The following ZNF114 variants were observed in gnomAD, a reference collection of about 807,000 sequenced individuals.
ZNF114 encodes zinc finger protein 114.
A neutral mutation model predicts 6.8 loss-of-function variants in ZNF114; 8 were observed. That is an observed-to-expected ratio of 1.18 (90% CI 0.69 to 2.13). The LOEUF (loss-of-function observed/expected upper bound fraction) is 2.13. ZNF114 is among the 30% of genes most tolerant of loss of function. The pLI is 0.00. For missense variants in ZNF114, 472 were observed against 519.5 expected, an observed-to-expected ratio of 0.91 and a Z score of 0.89; for synonymous variants, 169 against 185.5, an observed-to-expected ratio of 0.91 and a Z score of 0.72.
At chr19:48,281,474 TC>T (rs1030814288) in intron 4 of ZNF114, 6 of 151,306 alleles carry the variant, frequency 4.0e-5, no homozygotes, top group African/African-American at 1.5e-4. Context: ...TCCCTCTGTT[TC>T]CCTCCCTCTG....
At chr19:48,274,908 G>A (rs564172133) in intron 3 of ZNF114, among the ~76,000 whole-genome samples, 1 of 152,174 alleles carries the variant, frequency 6.6e-6, no homozygotes, top group African/African-American at 2.4e-5. Context: ...ACATTTACTA[G>A]TTGGAGTCCC....
intron 3 of ZNF114, among the ~76,000 whole-genome samples, chr19:48,275,749 C>G (rs1164197175): frequency 6.6e-6 from 1 of 152,026 alleles, no homozygotes; most frequent in African/African-American, 2.4e-5. Flanking sequence ...AATCCCAGCC[C>G]TTTGGGAGGC....
At chr19:48,275,408 G>A (rs1214703581) in intron 3 of ZNF114, among the ~76,000 whole-genome samples, 5 of 99,398 alleles carry the variant, frequency 5.0e-5, no homozygotes, top group Non-Finnish European at 1.1e-4. Context: ...ATGAAGTCCT[G>A]TCTCTACTAA....
chr19:48,279,976 T>C (rs1967948631), intron 4 of ZNF114, among the ~76,000 whole-genome samples, 168 bp downstream of exon 4: 1 of 152,090 alleles, frequency 6.6e-6, no homozygotes, highest in Non-Finnish European at 1.5e-5. Flanking sequence ...GATGCTGCCC[T>C]GGGGATTCTC....
chr19:48,272,690 A>AAAAAAAG (rs1967700093), intron 3 of ZNF114, among the ~76,000 whole-genome samples: 1 of 143,606 alleles, frequency 7.0e-6, no homozygotes. Flanking sequence ...AAAAAAAAAA[A>AAAAAAAG]AAAAAAAAGT....
rs57823987 is a variant in ZNF114 at position 48,272,673 on chromosome 19, CAAAAAAAAAAAAA to C, written c.-70+858_-70+870del. On this transcript the variant is annotated intron_variant, in intron 3 of 5. Coordinates refer to ENST00000595607, the MANE Select transcript of ZNF114 (RefSeq NM_153608.4). ...TGGGCGACAGAGCAAGACTCTCTCT[CAAAAAAAAAAAAA>C]AAAAAAAAAAAAGTATTGGATTGGA... Among the ~76,000 whole-genome samples the C allele has an allele frequency of 1.3e-4, 5 of 39,228 alleles. 1 individual carries two copies. Among genetic ancestry groups the C allele is most frequent in the South Asian group, 1.4e-3 (1 of 692 alleles). The allele number at this position is 39,228 out of a possible 152,430, so 25.7% of individuals were successfully genotyped here.
intron 3 of ZNF114, among the ~76,000 whole-genome samples, chr19:48,277,964 G>A (rs532038719): frequency 1.3e-4 from 20 of 151,450 alleles, no homozygotes; most frequent in South Asian, 1.0e-3. Context: ...ACAGAGTCTC[G>A]CTCTGTTGCC....
At position 48,286,711 on chromosome 19, in the gene ZNF114, T is replaced by A. The variant is rs1247128778; in HGVS notation, c.1087T>A (p.Cys363Ser). ...TGTTGTGCAGAAGAAGCCCTACGAA[T>A]GTGAAGAATGTGGGAAAGTCATTCG... ...KHVVQKKPYE[C>S]EECGKVIRES... is the part of the protein sequence containing the mutation. The change falls in exon 6 of 6, where the codon TGT becomes AGT. Residue 363 changes from cysteine (C) to serine (S), a missense_variant. Coordinates refer to ENST00000595607, the MANE Select transcript of ZNF114 (RefSeq NM_153608.4). The A allele has an allele frequency of 6.2e-7, 1 of 1,613,560 alleles. No individual in the cohort carries two copies. Among genetic ancestry groups the A allele is most frequent in the Admixed American group, 1.7e-5 (1 of 59,888 alleles).
At chr19:48,275,388 G>A (rs1461483505) in intron 3 of ZNF114, among the ~76,000 whole-genome samples, 6 of 146,312 alleles carry the variant, frequency 4.1e-5, no homozygotes, top group Non-Finnish European at 9.0e-5. Flanking sequence ...AGACCAGCCT[G>A]GCCAACATGA....
intron 5 of ZNF114, among the ~76,000 whole-genome samples, chr19:48,283,590 G>C (rs567763102): frequency 1.3e-5 from 2 of 152,166 alleles, no homozygotes; most frequent in Non-Finnish European, 2.9e-5. Flanking sequence ...TAAGCCAGCA[G>C]CATGGTAACA....
intron 3 of ZNF114, among the ~76,000 whole-genome samples, chr19:48,276,004 CTGTT>C (rs1356372899): frequency 1.3e-5 from 2 of 148,686 alleles, no homozygotes; most frequent in African/African-American, 4.9e-5. Flanking sequence ...GCTATAATGG[CTGTT>C]TGTCCCTGTA....
Position 48,282,160 on chromosome 19 carries a change from A to G in ZNF114, c.10-211A>G, listed in dbSNP as rs1318905104. ...TGATCCACCTGCCTCAGCCTCCCAA[A>G]GTGCTGGGATTACAGGTGTGAGCCA... On this transcript the variant is annotated intron_variant, in intron 4 of 5. Coordinates refer to ENST00000595607, the MANE Select transcript of ZNF114 (RefSeq NM_153608.4). 1.4e-5 allele frequency: 6 copies of G among 427,636 alleles called. No individual in the cohort carries two copies. The East Asian group carries it at 3.0e-4, about 21-fold the overall frequency. The allele number at this position is 427,636 out of a possible 1,614,324, so 26.5% of individuals were successfully genotyped here.
chr19:48,274,479 C>CTT (rs201945272), intron 3 of ZNF114, among the ~76,000 whole-genome samples: 1 of 80,654 alleles, frequency 1.2e-5, no homozygotes, highest in Non-Finnish European at 2.8e-5. Context: ...TAGAAAAAAA[C>CTT]TTTTATATAT....
At chr19:48,283,065 G>C (rs1429479823) in intron 5 of ZNF114, among the ~76,000 whole-genome samples, 1 of 152,112 alleles carries the variant, frequency 6.6e-6, no homozygotes, top group African/African-American at 2.4e-5. Context: ...ACCCAGGCTG[G>C]AGTGAAGTGG....
rs774940011 is a variant in ZNF114, at chr19:48,285,952, G to A, written c.328G>A (p.Ala110Thr). 2.2e-5 allele frequency: 35 copies of A among 1,613,936 alleles called. No homozygotes were observed. Among genetic ancestry groups the A allele is most frequent in the Non-Finnish European group, 2.9e-5 (34 of 1,180,030 alleles). ...RQGVNNVKPP[A>T]VAPEKDESPV... ...GGGGGTGAATAATGTGAAGCCACCT[G>A]CAGTTGCCCCTGAGAAAGATGAATC... The change falls in exon 6 of 6, where the codon GCA (alanine) becomes ACA (threonine). Residue 110 changes from alanine to threonine, a missense_variant. Coordinates refer to ENST00000595607, the MANE Select transcript of ZNF114 (RefSeq NM_153608.4).
chr19:48,281,395 C>T (rs1967986371), intron 4 of ZNF114, among the ~76,000 whole-genome samples: 1 of 151,984 alleles, frequency 6.6e-6, no homozygotes. Context: ...TAGTCACTGG[C>T]GTCCTTGGCA....
At chr19:48,280,743 G>C (rs1256718949) in intron 4 of ZNF114, among the ~76,000 whole-genome samples, 1 of 151,662 alleles carries the variant, frequency 6.6e-6, no homozygotes, top group Admixed American at 6.6e-5. Context: ...AGTTGAGATG[G>C]GGTTTCTCCA....
At chr19:48,281,102 C>T (rs1259137030) in intron 4 of ZNF114, among the ~76,000 whole-genome samples, 1 of 152,146 alleles carries the variant, frequency 6.6e-6, no homozygotes, top group Non-Finnish European at 1.5e-5. Flanking sequence ...GCATTTGCAC[C>T]ACTGCACTCC....
chr19:48,282,327 A>AT, intron 4 of ZNF114, 44 bp from the exon 5 acceptor site: 2 of 1,609,370 alleles, frequency 1.2e-6, no homozygotes, highest in Non-Finnish European at 1.7e-6. Flanking sequence ...GTTCAAACTG[A>AT]TAACAGGACA....
Sources: gnomAD v4.1 joint callset for allele counts (sites outside exome capture counted in the v4.1 genomes callset) on GRCh38, gnomAD v4.1.1 for gene constraint, MANE v1.5 for transcripts, NCBI Gene and HGNC (gene_info 2026-07-23, HGNC 2026-07-21) for gene names.